MPP7: variants seen among roughly 807,000 people sequenced by gnomAD.
MPP7 encodes MAGUK p55 scaffold protein 7, also known as MAGUK p55 subfamily member 7.
In MPP7, 60 loss-of-function variants were observed where a neutral mutation model predicts 76.5. The observed-to-expected ratio is 0.78, with a 90% confidence interval of 0.64 to 0.97. The LOEUF is 0.97. Ranked by LOEUF, MPP7 falls within the 50% of genes least tolerant of loss-of-function variation. The pLI is 0.00. For missense variants in MPP7, 641 were observed against 694.0 expected (o/e 0.92, Z 0.86); for synonymous variants, 237 against 244.5 (o/e 0.97, Z 0.29).
chr10:28,203,818 C>T lies in MPP7; in HGVS notation c.38-1547G>A, dbSNP rs374519321. Among the ~76,000 whole-genome samples the T allele has an allele frequency of 7.2e-5, 11 of 152,218 alleles. No individual in the cohort carries two copies. The East Asian group carries it at 2.1e-3, about 29-fold the overall frequency. On this transcript the variant is annotated intron_variant, in intron 2 of 16. Transcript: ENST00000683449. Reference sequence around the variant, plus strand: ...AAAATAATTACCTATTCCTTGGTAACATGACTTACAGTTTAATTAAGGAGA... The same window carrying T: ...AAAATAATTACCTATTCCTTGGTAATATGACTTACAGTTTAATTAAGGAGA...
chr10:28,077,834 C>G (rs1484921673), intron 12 of MPP7, among the ~76,000 whole-genome samples: 1 of 152,144 alleles, frequency 6.6e-6, no homozygotes, highest in African/African-American at 2.4e-5. Context: ...CTAAACAGCC[C>G]ATCTTTAAAT....
At chr10:28,104,524 T>C (rs1951935) in intron 11 of MPP7, among the ~76,000 whole-genome samples, 49,743 of 152,028 alleles carry the variant, frequency 0.33, 11,195 homozygotes, top group East Asian at 0.83. Flanking sequence ...GGGGGAAAAA[T>C]AGAATTCCAC....
At chr10:28,209,596 G>C (rs1484142859) in intron 2 of MPP7, among the ~76,000 whole-genome samples, 3 of 152,070 alleles carry the variant, frequency 2.0e-5, no homozygotes, top group Non-Finnish European at 4.4e-5. Flanking sequence ...TTAGTGATTA[G>C]TGAAAGTAAA....
At chr10:28,168,716 C>T (rs1457477120) in intron 3 of MPP7, among the ~76,000 whole-genome samples, 2 of 152,082 alleles carry the variant, frequency 1.3e-5, no homozygotes, top group Non-Finnish European at 2.9e-5. Flanking sequence ...CACGGGGTTT[C>T]ACCATGTTAG....
Position 28,229,944 on chromosome 10 carries a change from G to C in MPP7, c.37+8624C>G, listed in dbSNP as rs368450972. On this transcript the variant is annotated intron_variant, in intron 2 of 16. Transcript: ENST00000683449. ...TGACAATGATATCTTCAAGGTCTGG[G>C]GTTTTTTATTTTAAAAAGAGAATGA... Among the ~76,000 whole-genome samples, 12 of 152,032 alleles carry C rather than the reference G, an allele frequency of 7.9e-5. No homozygotes were observed. The East Asian group carries it at 2.1e-3, about 27-fold the overall frequency.
Position 28,168,207 on chromosome 10 carries a change from C to T in MPP7, c.157-18148G>A, listed in dbSNP as rs1010383779. On this transcript the variant is annotated intron_variant, in intron 3 of 16. Transcript: ENST00000683449. ...CCTAGATCACACCACTGCACTCCAG[C>T]CTGGGCAACAGAGTGAGACTCTGTC... 2.6e-5 allele frequency among the ~76,000 whole-genome samples: 4 copies of T among 152,214 alleles called. No individual in the cohort carries two copies. The South Asian group carries it at 6.2e-4, about 24-fold the overall frequency.
chr10:28,135,916 C>A (rs1835339213), intron 5 of MPP7, among the ~76,000 whole-genome samples: 1 of 152,152 alleles, frequency 6.6e-6, no homozygotes, highest in African/African-American at 2.4e-5. Context: ...GGAACCAGGC[C>A]ACACAGTAGG....
At position 28,059,740 on chromosome 10, in the gene MPP7, G is replaced by C. The variant is rs762483435; in HGVS notation, c.1208C>G (p.Thr403Ser). Residue 403 changes from threonine (T) to serine (S), a missense_variant, in exon 14 of 17, where the codon ACC (threonine) becomes AGC (serine). Physicochemically the swap from Thr to Ser is moderately conservative, Grantham distance 58. Transcript: ENST00000683449. ...TQHYGVTVPH[T>S]TRARRSQESD... ...CTCCTGGCTTCTTCTTGCTCTGGTG[G>C]TATCTATGATTTAATGAAAAGGAGT... 1 of 1,608,166 alleles carries C rather than the reference G, an allele frequency of 6.2e-7. No individual in the cohort carries two copies. Among genetic ancestry groups the C allele is most frequent in the African/African-American group, 1.3e-5 (1 of 74,736 alleles).
intron 3 of MPP7, among the ~76,000 whole-genome samples, chr10:28,174,641 C>T (rs1050424901): frequency 4.6e-5 from 7 of 152,128 alleles, no homozygotes; most frequent in African/African-American, 7.2e-5. Flanking sequence ...AAAGATACCC[C>T]GCAACTCCAT....
At chr10:28,078,077 C>G (rs1852582304) in intron 12 of MPP7, among the ~76,000 whole-genome samples, 1 of 152,174 alleles carries the variant, frequency 6.6e-6, no homozygotes, top group East Asian at 1.9e-4. Flanking sequence ...AAAAGCCTGT[C>G]TGTCTAACTC....
chr10:28,170,708 T>C (rs1162204778), intron 3 of MPP7, among the ~76,000 whole-genome samples: 1 of 152,038 alleles, frequency 6.6e-6, no homozygotes, highest in Non-Finnish European at 1.5e-5. Flanking sequence ...TAATTTGCAA[T>C]TGAAGCCATT....
chr10:28,293,162 CGA>C (rs1372989846), intron 1 of MPP7, among the ~76,000 whole-genome samples: 1 of 150,078 alleles, frequency 6.7e-6, no homozygotes, highest in Non-Finnish European at 1.5e-5. Flanking sequence ...TAAAATCCAA[CGA>C]GAGACTGAAA....
At chr10:28,249,311 G>A (rs1417516700) in intron 1 of MPP7, among the ~76,000 whole-genome samples, 5 of 152,072 alleles carry the variant, frequency 3.3e-5, no homozygotes, top group Non-Finnish European at 4.4e-5. Flanking sequence ...CTATCTGGCC[G>A]GGCACAGTGG....
At chr10:28,126,331 T>G (rs1835016708) in intron 6 of MPP7, among the ~76,000 whole-genome samples, 2 of 152,226 alleles carry the variant, frequency 1.3e-5, no homozygotes, top group African/African-American at 4.8e-5. Flanking sequence ...AAATGTAATA[T>G]TCTCAATATA....
chr10:28,079,444 G>A (rs1852655274), intron 12 of MPP7, among the ~76,000 whole-genome samples: 2 of 151,680 alleles, frequency 1.3e-5, no homozygotes, highest in Non-Finnish European at 2.9e-5. Context: ...CCTGAGACCA[G>A]GAGTTTGAGT....
intron 16 of MPP7, among the ~76,000 whole-genome samples, chr10:28,056,024 T>C (rs78225749): frequency 0.024 from 3,698 of 152,294 alleles, 98 homozygotes; most frequent in East Asian, 0.12. Flanking sequence ...TATGTTTTCA[T>C]ATATACAACT....
chr10:28,253,142 G>A (rs967566275), intron 1 of MPP7, among the ~76,000 whole-genome samples: 2 of 152,086 alleles, frequency 1.3e-5, no homozygotes, highest in Non-Finnish European at 2.9e-5. Flanking sequence ...TCCTGACCTC[G>A]TGATCTACCC....
chr10:28,094,493 T>C (rs552681278), intron 11 of MPP7, among the ~76,000 whole-genome samples: 59 of 152,240 alleles, frequency 3.9e-4, no homozygotes, highest in African/African-American at 1.3e-3. Flanking sequence ...TGTAAAGCTT[T>C]CGGTCCCATC....
intron 11 of MPP7, among the ~76,000 whole-genome samples, chr10:28,098,227 T>A (rs1410275671): frequency 6.6e-6 from 1 of 151,976 alleles, no homozygotes; most frequent in African/African-American, 2.4e-5. Flanking sequence ...AATTAACTTA[T>A]AAAACACCTT....
Sources: allele counts gnomAD v4.1 joint callset (sites outside exome capture counted in the v4.1 genomes callset), GRCh38; gene constraint gnomAD v4.1.1; transcripts MANE v1.5; gene names NCBI Gene and HGNC (gene_info 2026-07-23, HGNC 2026-07-21).